Variants in KSR2 observed in about 807,000 individuals in gnomAD.
KSR2 encodes kinase suppressor of ras 2.
Under a neutral mutation model 107.8 loss-of-function variants are expected in KSR2, and 25 were observed. That is an observed-to-expected ratio of 0.23 (90% CI 0.17 to 0.32). The LOEUF is 0.32. Ranked by LOEUF, KSR2 falls within the 10% of genes least tolerant of loss-of-function variation. KSR2 has a pLI of 1.00. For missense variants in KSR2, 887 were observed against 1,268.9 expected, an observed-to-expected ratio of 0.70 and a Z score of 4.57; for synonymous variants, 480 against 507.0, an observed-to-expected ratio of 0.95 and a Z score of 0.71.
At chr12:117,806,753 C>T (rs1891021774) in intron 3 of KSR2, among the ~76,000 whole-genome samples, 1 of 152,208 alleles carries the variant, frequency 6.6e-6, no homozygotes, top group African/African-American at 2.4e-5. Context: ...GAAATGGAAT[C>T]CTGCAGTACA....
At chr12:117,616,153 CCT>C (rs1360139180) in intron 5 of KSR2, among the ~76,000 whole-genome samples, 1 of 99,646 alleles carries the variant, frequency 1.0e-5, no homozygotes, top group Non-Finnish European at 2.0e-5. Flanking sequence ...AGAGTGAGAC[CCT>C]GTCTCGAAAA....
chr12:117,838,694 C>T (rs1289721865), intron 3 of KSR2, among the ~76,000 whole-genome samples: 1 of 152,210 alleles, frequency 6.6e-6, no homozygotes, highest in Non-Finnish European at 1.5e-5. Flanking sequence ...GAGTTCTCCA[C>T]AGTCAATGCC....
At chr12:117,873,611 C>T (rs994429292) in intron 1 of KSR2, among the ~76,000 whole-genome samples, 1 of 151,978 alleles carries the variant, frequency 6.6e-6, no homozygotes, top group African/African-American at 2.4e-5. Flanking sequence ...CAGGTGCGTG[C>T]CACCACACCC....
intron 3 of KSR2, among the ~76,000 whole-genome samples, chr12:117,830,706 C>T (rs1891931431): frequency 1.3e-5 from 2 of 152,088 alleles, no homozygotes. Flanking sequence ...TGGGGAGAAA[C>T]AAATTTAAGC....
chr12:117,908,667 C>T (rs985641756), intron 1 of KSR2, among the ~76,000 whole-genome samples: 4 of 152,136 alleles, frequency 2.6e-5, no homozygotes, highest in African/African-American at 9.7e-5. Flanking sequence ...GCAAGAAACA[C>T]GCCAACATTC....
chr12:117,825,999 G>A (rs927901924), intron 3 of KSR2, among the ~76,000 whole-genome samples: 2 of 150,148 alleles, frequency 1.3e-5, no homozygotes, highest in Admixed American at 6.6e-5. Flanking sequence ...GGGTGGATGG[G>A]TGGGTGGATG....
chr12:117,829,106 G>C (rs928817767), intron 3 of KSR2, among the ~76,000 whole-genome samples: 1 of 152,104 alleles, frequency 6.6e-6, no homozygotes, highest in Non-Finnish European at 1.5e-5. Context: ...GAAGACATAA[G>C]AGTCACCATT....
intron 5 of KSR2, among the ~76,000 whole-genome samples, chr12:117,615,703 C>CT (rs1224274969): frequency 6.6e-6 from 1 of 152,128 alleles, no homozygotes; most frequent in African/African-American, 2.4e-5. Flanking sequence ...TCGGTCAAGC[C>CT]TTCAGATGAG....
intron 1 of KSR2, among the ~76,000 whole-genome samples, chr12:117,909,777 G>A (rs926611760): frequency 4.0e-5 from 6 of 151,448 alleles, no homozygotes; most frequent in African/African-American, 1.2e-4. Flanking sequence ...GCATGGTGGC[G>A]CATGCCTGTA....
At chr12:117,651,674 G>A (rs1883912162) in intron 5 of KSR2, among the ~76,000 whole-genome samples, 1 of 152,208 alleles carries the variant, frequency 6.6e-6, no homozygotes, top group South Asian at 2.1e-4. Flanking sequence ...GATCTCCCTT[G>A]GTTTAATGTA....
chr12:117,488,421 G>C (rs1872584341), intron 14 of KSR2, among the ~76,000 whole-genome samples: 1 of 152,186 alleles, frequency 6.6e-6, no homozygotes. Flanking sequence ...TTGAATGTTT[G>C]TGTCCCCAAT....
chr12:117,677,289 T>C (rs1299588471), intron 4 of KSR2: 6 of 152,132 alleles, frequency 3.9e-5, no homozygotes, highest in Non-Finnish European at 7.4e-5. Flanking sequence ...TATTTAGAGA[T>C]GGAACCTTTA....
In KSR2 at chr12:117,459,508, G is replaced by A. The variant is rs1467814569; in HGVS notation, c.*7691C>T. On this transcript the variant is annotated 3_prime_UTR_variant, in exon 20 of 20. Transcript: ENST00000339824. ...AGTACAGCAGGGGACACTGGTGGTA[G>A]ATCCATTACATATTTGTACTCCTTG... 1 of 152,216 alleles carries A rather than the reference G, an allele frequency of 6.6e-6. No homozygotes were observed. The highest frequency in any genetic ancestry group is 2.4e-5 in the African/African-American group (1 of 41,434). 9.4% of individuals were successfully genotyped at this position (152,216 alleles called of 1,614,324 possible).
chr12:117,612,264 C>T lies in KSR2; in HGVS notation c.1172-29905G>A, dbSNP rs554053917. Among the ~76,000 whole-genome samples, 18 of 151,968 alleles carry T rather than the reference C, an allele frequency of 1.2e-4. No individual in the cohort carries two copies. In the South Asian group the frequency reaches 1.5e-3, roughly 12 times the overall value. ...ACTGAAATACAAAAAATTAGCCGGG[C>T]GTGGTGGTGCACCCCTGTAGTCCCA... On this transcript the variant is annotated intron_variant, in intron 5 of 19. Coordinates refer to ENST00000339824, the MANE Select transcript of KSR2 (RefSeq NM_173598.6).
At chr12:117,544,391 G>T (rs1308790755) in intron 9 of KSR2, among the ~76,000 whole-genome samples, 1 of 152,076 alleles carries the variant, frequency 6.6e-6, no homozygotes, top group East Asian at 1.9e-4. Context: ...AGGCCGAGAT[G>T]GGCAGATCAC....
At chr12:117,813,350 C>A (rs1308245704) in intron 3 of KSR2, among the ~76,000 whole-genome samples, 1 of 152,124 alleles carries the variant, frequency 6.6e-6, no homozygotes, top group African/African-American at 2.4e-5. Flanking sequence ...AAAGAGACAA[C>A]CTACGGAATG....
intron 1 of KSR2, among the ~76,000 whole-genome samples, chr12:117,903,061 G>A (rs10850932): frequency 0.13 from 19,926 of 152,172 alleles, 1,491 homozygotes; most frequent in East Asian, 0.29. Flanking sequence ...CCCCTACAAA[G>A]GTGAGTTGCG....
intron 5 of KSR2, among the ~76,000 whole-genome samples, chr12:117,640,135 G>A (rs1441985738): frequency 6.6e-6 from 1 of 152,112 alleles, no homozygotes; most frequent in Admixed American, 6.5e-5. Context: ...CCAACTGACG[G>A]GTGGCCTTTC....
At chr12:117,670,382 A>G (rs1310734706) in intron 4 of KSR2, among the ~76,000 whole-genome samples, 1 of 152,192 alleles carries the variant, frequency 6.6e-6, no homozygotes, top group Non-Finnish European at 1.5e-5. Context: ...CTTCTCTCCA[A>G]TGATGAGGAC....
Sources: allele counts gnomAD v4.1 joint callset (sites outside exome capture counted in the v4.1 genomes callset), GRCh38; gene constraint gnomAD v4.1.1; transcripts MANE v1.5; gene names NCBI Gene and HGNC (gene_info 2026-07-23, HGNC 2026-07-21).